NIN: variants seen among roughly 807,000 people sequenced by gnomAD.
NIN encodes the protein ninein, also known as glycogen synthase kinase 3 beta-interacting protein.
A neutral mutation model predicts 257.6 loss-of-function variants in NIN; 137 were observed. The observed-to-expected ratio is 0.53, with a 90% CI of 0.46 to 0.61. The LOEUF (loss-of-function observed/expected upper bound fraction) is 0.61, where lower values mean the gene tolerates loss of function less well. Ranked by LOEUF, NIN falls within the 20% of genes least tolerant of loss-of-function variation. The pLI is 0.00. For synonymous variants in NIN, 918 were observed against 919.8 expected, an observed-to-expected ratio of 1.00 and a Z score of 0.04; for missense variants, 2,439 against 2,501.2, an observed-to-expected ratio of 0.98 and a Z score of 0.53.
chr14:50,764,580 C>G (rs7153562), intron 14 of NIN, among the ~76,000 whole-genome samples: 1 of 152,000 alleles, frequency 6.6e-6, no homozygotes, highest in Non-Finnish European at 1.5e-5. Context: ...CCAAATGTCC[C>G]TTAACCGGTG....
chr14:50,757,725 A>G lies in NIN; in HGVS notation c.3305T>C (p.Leu1102Ser). 1 of 1,614,244 alleles carries G rather than the reference A, an allele frequency of 6.2e-7. No homozygotes were observed. The highest frequency in any genetic ancestry group is 8.5e-7 in the Non-Finnish European group (1 of 1,180,042). ...QQRLQKLEPGLVMSSCLDEPA... is the reference protein window; with the variant it reads ...QQRLQKLEPGSVMSSCLDEPA... ...CTCATCCAAACAAGAAGACATTACT[A>G]ACCCTGGCTCTAACTTTTGTAGCCT... Residue 1102 changes from leucine to serine, a missense_variant, in exon 18 of 31, where the codon TTA (leucine) becomes TCA (serine). Leu to Ser is a moderately radical substitution (Grantham distance 145, BLOSUM62 -2). This residue lies in a region of NIN where 2,043 missense variants were observed against 2,050.2 expected (regional missense o/e 1.00). Coordinates refer to ENST00000530997, the MANE Select transcript of NIN (RefSeq NM_020921.4).
chr14:50,812,733 G>T (rs1441170727), intron 3 of NIN, among the ~76,000 whole-genome samples: 1 of 152,176 alleles, frequency 6.6e-6, no homozygotes, highest in Non-Finnish European at 1.5e-5. Context: ...CACAGACAGA[G>T]ATTAAAGGTC....
chr14:50,756,505 C>A lies in NIN; in HGVS notation c.4525G>T (p.Val1509Phe). 6.2e-7 allele frequency: 1 copy of A among 1,601,382 alleles called. No homozygotes were observed. ...QITCSEMQQK[V>F]ELLRYESEKL... ...TACATACATTACCTCAGAAGTTCAA[C>A]TTTTTGCTGCATCTCACTGCACGTG... Residue 1509 changes from valine to phenylalanine, a missense_variant, in exon 18 of 31, where the codon GTT (valine) becomes TTT (phenylalanine). This residue lies in a region of NIN where 2,043 missense variants were observed against 2,050.2 expected (regional missense o/e 1.00). Transcript: ENST00000530997.
At chr14:50,791,807 G>GCACACACACA (rs373370758) in intron 5 of NIN, among the ~76,000 whole-genome samples, 21 of 116,700 alleles carry the variant, frequency 1.8e-4, no homozygotes, top group African/African-American at 7.8e-4. Flanking sequence ...AGGTGCACGC[G>GCACACACACA]CACACACACA....
intron 29 of NIN, chr14:50,727,276 CAA>C: frequency 1.0e-6 from 1 of 976,482 alleles, no homozygotes; most frequent in Non-Finnish European, 1.2e-6. Flanking sequence ...AATTTCCTGT[CAA>C]AAAGATTTGT....
Position 50,757,777 on chromosome 14 carries a change from CCATTTTCA to C in NIN, c.3245_3252del (p.Val1082GlyfsTer3), listed in dbSNP as rs767192283. On this transcript the variant is annotated frameshift_variant, in exon 18 of 31. Coordinates refer to ENST00000530997, the MANE Select transcript of NIN (RefSeq NM_020921.4). LOFTEE classifies it high-confidence loss of function. ...TGTTGCAATCTAGAAATTTCAGTAG[CCATTTTCA>C]CATTTTCCTTCACTGCCTGTTCATG... is the stretch of plus-strand genomic sequence containing the variant. The C allele has an allele frequency of 6.2e-7, 1 of 1,614,160 alleles. No homozygotes were observed. The highest frequency in any genetic ancestry group is 8.5e-7 in the Non-Finnish European group (1 of 1,180,028).
intron 12 of NIN, among the ~76,000 whole-genome samples, chr14:50,767,630 A>ATG (rs2042548220): frequency 6.6e-6 from 1 of 152,092 alleles, no homozygotes; most frequent in Non-Finnish European, 1.5e-5. Flanking sequence ...ATCCTGGCGA[A>ATG]CACGGTGAAA....
intron 30 of NIN, chr14:50,724,278 G>A: frequency 4.8e-6 from 1 of 208,644 alleles, no homozygotes; most frequent in South Asian, 1.9e-4. Context: ...TACTTTCATT[G>A]TTGTTCTGGT....
chr14:50,737,034 C>A (rs971283042), intron 27 of NIN, among the ~76,000 whole-genome samples: 2 of 152,114 alleles, frequency 1.3e-5, no homozygotes, highest in African/African-American at 4.8e-5. Context: ...TCAAAGAGCC[C>A]CACCTCCGGG....
chr14:50,757,696 C>T lies in NIN; in HGVS notation c.3334G>A (p.Ala1112Thr). The T allele has an allele frequency of 6.2e-7, 1 of 1,614,184 alleles. No homozygotes were observed. Among genetic ancestry groups the T allele is most frequent in the Non-Finnish European group, 8.5e-7 (1 of 1,180,018 alleles). Residue 1112 changes from alanine (A) to threonine (T), a missense_variant, in exon 18 of 31, where the codon GCT (alanine) becomes ACT (threonine). By Grantham distance (58) the Ala-to-Thr change is moderately conservative. Around this residue, in one of 3 missense-constraint regions of NIN, gnomAD observed 2,043 missense variants for 2,050.2 expected, o/e 1.00. Transcript: ENST00000530997. ...LVMSSCLDEP[A>T]TEFFGNTAEQ... Reference sequence around the variant, plus strand: ...GCAGTATTTCCAAAAAACTCAGTAGCTGGCTCATCCAAACAAGAAGACATT... The same window carrying T: ...GCAGTATTTCCAAAAAACTCAGTAGTTGGCTCATCCAAACAAGAAGACATT...
chr14:50,818,062 G>A (rs866858596), intron 3 of NIN, among the ~76,000 whole-genome samples: 5 of 151,010 alleles, frequency 3.3e-5, no homozygotes, highest in Admixed American at 1.3e-4. Context: ...GATGGCTCAC[G>A]CCTGTAACCC....
At chr14:50,727,872 T>C in intron 29 of NIN, 2 of 729,282 alleles carry the variant, frequency 2.7e-6, no homozygotes, top group Non-Finnish European at 4.3e-6. Context: ...TAACACTACA[T>C]AGGCAAGCAA....
chr14:50,729,478 G>A (rs770764966), intron 29 of NIN, 45 bp downstream of exon 29: 3 of 1,554,122 alleles, frequency 1.9e-6, no homozygotes, highest in Admixed American at 1.8e-5. Flanking sequence ...CAAATAAACA[G>A]GTAAAATTAA....
intron 2 of NIN, chr14:50,823,426 C>T (rs1282237667): frequency 8.3e-6 from 3 of 360,274 alleles, no homozygotes; most frequent in East Asian, 5.9e-5. Flanking sequence ...ATCGTCCATA[C>T]GGCAGATCAT....
In NIN at chr14:50,763,978, A is replaced by G. The variant is rs200569071; in HGVS notation, c.1636-14T>C. On this transcript the variant is annotated splice_polypyrimidine_tract_variant and intron_variant, in intron 14 of 30. Coordinates refer to ENST00000530997, the MANE Select transcript of NIN (RefSeq NM_020921.4). The stretch of plus-strand genomic sequence containing the variant: ...GTCTTGTAGTACCTGGGATTTAAAA[A>G]CCAACACTGGTCTTAGATGTGACAC... The G allele has an allele frequency of 2.5e-4, 403 of 1,610,598 alleles. 1 individual carries two copies. Among genetic ancestry groups the G allele is most frequent in the Non-Finnish European group, 3.3e-4 (386 of 1,177,154 alleles).
chr14:50,831,357 G>C (rs996733848), upstream of NIN, among the ~76,000 whole-genome samples: 27 of 152,076 alleles, frequency 1.8e-4, no homozygotes, highest in African/African-American at 6.5e-4. Flanking sequence ...GCGGGTGTAG[G>C]AGGCTGGCGC....
rs1278921288 is a variant in NIN at position 50,721,328 on chromosome 14, A to G, written c.*2135T>C. Reference sequence around the variant, plus strand: ...CATTGTACATTTTATATACACATAAATACAAATTTATAGGAAATAAACAAA... The same window carrying G: ...CATTGTACATTTTATATACACATAAGTACAAATTTATAGGAAATAAACAAA... On this transcript the variant is annotated 3_prime_UTR_variant, in exon 31 of 31. Transcript: ENST00000530997. 1 of 206,504 alleles carries G rather than the reference A, an allele frequency of 4.8e-6. No homozygotes were observed. The highest frequency in any genetic ancestry group is 2.3e-5 in the African/African-American group (1 of 43,906). The allele number at this position is 206,504 out of a possible 1,614,324, so 12.8% of individuals were successfully genotyped here.
In NIN at chr14:50,723,875, C is replaced by A. The variant is rs182225211; in HGVS notation, c.6193-203G>T. 97 of 553,776 alleles carry A rather than the reference C, an allele frequency of 1.8e-4. No individual in the cohort carries two copies. The East Asian group carries it at 2.6e-3, about 15-fold the overall frequency. The allele number at this position is 553,776 out of a possible 1,614,324, so 34.3% of individuals were successfully genotyped here. On this transcript the variant is annotated intron_variant, in intron 30 of 30. Transcript: ENST00000530997. Reference sequence around the variant, plus strand: ...CAAATCTACTTTTTCTAAGCTATTTCTTTGCATGAGATGTTTATGTCAGTT... The same window carrying A: ...CAAATCTACTTTTTCTAAGCTATTTATTTGCATGAGATGTTTATGTCAGTT...
chr14:50,735,398 C>T lies in NIN; in HGVS notation c.5877+118G>A, dbSNP rs1470462548. 3.6e-6 allele frequency: 5 copies of T among 1,372,040 alleles called. No individual in the cohort carries two copies. In the African/African-American group the frequency reaches 5.8e-5, roughly 16 times the overall value. The allele number at this position is 1,372,040 out of a possible 1,614,324, so 85.0% of individuals were successfully genotyped here. ...AGGCGGACCAAAGAATTCAACTTGG[C>T]AGTGTACTTAGATTTTCACAACGGG... On this transcript the variant is annotated intron_variant, in intron 28 of 30. Coordinates refer to ENST00000530997, the MANE Select transcript of NIN (RefSeq NM_020921.4).
Sources: allele counts gnomAD v4.1 joint callset (sites outside exome capture counted in the v4.1 genomes callset), GRCh38; gene constraint gnomAD v4.1.1; regional missense constraint gnomAD v4.1.1; transcripts MANE v1.5; gene names NCBI Gene and HGNC (gene_info 2026-07-23, HGNC 2026-07-21).